The following SYT1 variants were observed in gnomAD, a reference collection of about 807,000 sequenced individuals.
SYT1 encodes synaptotagmin-1.
A neutral mutation model predicts 44.8 loss-of-function variants in SYT1; 8 were observed. That is an observed-to-expected ratio of 0.18 (90% CI 0.10 to 0.32). The LOEUF is 0.32. Ranked by LOEUF, SYT1 falls within the 10% of genes least tolerant of loss-of-function variation. SYT1 has a pLI of 1.00. For synonymous variants in SYT1, 154 were observed against 188.8 expected (o/e 0.82, Z 1.51); for missense variants, 286 against 509.3 (o/e 0.56, Z 4.22).
chr12:79,167,825 G>A (rs1350747390), intron 3 of SYT1, among the ~76,000 whole-genome samples: 1 of 152,018 alleles, frequency 6.6e-6, no homozygotes, highest in African/African-American at 2.4e-5. Flanking sequence ...GGGATGCAGC[G>A]GGCTGGGAAT....
intron 9 of SYT1, among the ~76,000 whole-genome samples, chr12:79,363,324 A>T (rs1883393136): frequency 6.6e-6 from 1 of 152,108 alleles, no homozygotes; most frequent in Non-Finnish European, 1.5e-5. Flanking sequence ...AAGGTATAAG[A>T]TTCCTGTTAG....
chr12:78,970,483 G>C (rs569651043), intron 1 of SYT1, among the ~76,000 whole-genome samples: 7 of 152,180 alleles, frequency 4.6e-5, no homozygotes, highest in African/African-American at 1.7e-4. Flanking sequence ...AGTCAGTTTA[G>C]CTAGGTGCAC....
chr12:79,217,320 C>A (rs1874868269), intron 3 of SYT1, among the ~76,000 whole-genome samples, 183 bp from the exon 4 acceptor site: 1 of 152,198 alleles, frequency 6.6e-6, no homozygotes, highest in Non-Finnish European at 1.5e-5. Flanking sequence ...TGGGGAAGAA[C>A]TCTTCACTCG....
At chr12:79,357,804 G>C (rs75733773) in intron 9 of SYT1, among the ~76,000 whole-genome samples, 1,843 of 152,212 alleles carry the variant, frequency 0.012, 15 homozygotes, top group Non-Finnish European at 0.018. Context: ...TGTCTCAATA[G>C]CTTCGTTGCC....
At chr12:79,194,669 G>C (rs565064271) in intron 3 of SYT1, among the ~76,000 whole-genome samples, 20 of 152,198 alleles carry the variant, frequency 1.3e-4, no homozygotes, top group Admixed American at 8.5e-4. Context: ...ACACACACTT[G>C]AAACACATAA....
chr12:79,080,548 T>C (rs552233763), intron 3 of SYT1, among the ~76,000 whole-genome samples: 41 of 152,122 alleles, frequency 2.7e-4, no homozygotes, highest in African/African-American at 9.9e-4. Flanking sequence ...GATATACATA[T>C]AAATACATTT....
chr12:79,292,337 G>A (rs939105727), intron 6 of SYT1, among the ~76,000 whole-genome samples: 5 of 152,106 alleles, frequency 3.3e-5, no homozygotes, highest in African/African-American at 1.2e-4. Context: ...GTATTCAACC[G>A]ATTACATCTA....
At chr12:79,332,731 C>A (rs1881912656) in intron 8 of SYT1, among the ~76,000 whole-genome samples, 1 of 152,158 alleles carries the variant, frequency 6.6e-6, no homozygotes, top group Admixed American at 6.6e-5. Flanking sequence ...GGAGGTAACT[C>A]ATTAAGCACG....
chr12:79,077,706 G>T (rs947953986), intron 3 of SYT1, among the ~76,000 whole-genome samples: 1 of 152,138 alleles, frequency 6.6e-6, no homozygotes, highest in African/African-American at 2.4e-5. Context: ...CATACTTTCT[G>T]CTTTTCAATG....
In SYT1 at chr12:79,276,010, C is replaced by G. The variant is rs188305714; in HGVS notation, c.167-9777C>G. Among the ~76,000 whole-genome samples the G allele has an allele frequency of 5.9e-5, 9 of 152,200 alleles. No homozygotes were observed. The East Asian group carries it at 1.7e-3, about 29-fold the overall frequency. On this transcript the variant is annotated intron_variant, in intron 4 of 10. Transcript: ENST00000261205. The stretch of plus-strand genomic sequence containing the variant: ...CTTTGACATGGAAAGCACCCAGAGC[C>G]AAAGCTAGTCAATCATAAACTATAC...
chr12:78,930,730 G>A (rs2137200233), intron 1 of SYT1, among the ~76,000 whole-genome samples: 1 of 151,926 alleles, frequency 6.6e-6, no homozygotes. Flanking sequence ...TTGATCTACT[G>A]AATGTAATGC....
chr12:79,420,244 A>G (rs1488357178), intron 9 of SYT1, among the ~76,000 whole-genome samples: 1 of 152,178 alleles, frequency 6.6e-6, no homozygotes, highest in Non-Finnish European at 1.5e-5. Context: ...CACCCCAACC[A>G]GAAGTGTGTG....
At chr12:79,300,596 G>C (rs1169277632) in intron 8 of SYT1, among the ~76,000 whole-genome samples, 2 of 151,626 alleles carry the variant, frequency 1.3e-5, no homozygotes, top group African/African-American at 4.8e-5. Flanking sequence ...TTTAGAACAG[G>C]CCTATTAATT....
chr12:78,894,328 C>CTTTTTTTTTTTTTTTTTTTTTT (rs1875224148), intron 1 of SYT1, among the ~76,000 whole-genome samples: 1 of 9,740 alleles, frequency 1.0e-4, no homozygotes, highest in African/African-American at 3.2e-4. Flanking sequence ...GTTTTTTAAT[C>CTTTTTTTTTTTTTTTTTTTTTT]TGTTTTTTTT....
chr12:79,414,930 G>A (rs1298736906), intron 9 of SYT1, among the ~76,000 whole-genome samples: 1 of 152,142 alleles, frequency 6.6e-6, no homozygotes, highest in African/African-American at 2.4e-5. Context: ...ATAGTGATGT[G>A]CAAAACAGAC....
At chr12:79,321,247 G>T (rs1028763499) in intron 8 of SYT1, among the ~76,000 whole-genome samples, 1 of 152,122 alleles carries the variant, frequency 6.6e-6, no homozygotes, top group South Asian at 2.1e-4. Context: ...TAAATCAAAA[G>T]TTTGCCTTAC....
At position 79,160,980 on chromosome 12, in the gene SYT1, C is replaced by G. The variant is rs75369710; in HGVS notation, c.-17-56523C>G. ...AGGCGCAGTGGCTCACACCTGGAGT[C>G]TCAACATTTTGGGAGTTCCAGGCAG... On this transcript the variant is annotated intron_variant, in intron 3 of 10. Transcript: ENST00000261205. Among the ~76,000 whole-genome samples, 30 of 152,154 alleles carry G rather than the reference C, an allele frequency of 2.0e-4. No homozygotes were observed. In the East Asian group the frequency reaches 5.7e-3, roughly 29 times the overall value.
intron 3 of SYT1, among the ~76,000 whole-genome samples, chr12:79,115,735 T>C (rs1319844979): frequency 1.3e-5 from 2 of 152,224 alleles, no homozygotes; most frequent in Non-Finnish European, 2.9e-5. Flanking sequence ...CTAATTTTTG[T>C]TGGGAATCAG....
chr12:79,217,132 A>G (rs536587876), intron 3 of SYT1, among the ~76,000 whole-genome samples: 18 of 152,338 alleles, frequency 1.2e-4, no homozygotes, highest in African/African-American at 4.3e-4. Flanking sequence ...CAAAATATTT[A>G]AAGTATAAAG....
Sources: gnomAD v4.1 joint callset for allele counts (sites outside exome capture counted in the v4.1 genomes callset) on GRCh38, gnomAD v4.1.1 for gene constraint, MANE v1.5 for transcripts, NCBI Gene and HGNC (gene_info 2026-07-23, HGNC 2026-07-21) for gene names.